The following JHY variants were observed in gnomAD, a reference collection of about 807,000 sequenced individuals.
JHY encodes jhy protein homolog.
Under a neutral mutation model 78.0 loss-of-function variants are expected in JHY, and 69 were observed. That is an observed-to-expected ratio of 0.88 (90% CI 0.73 to 1.08). The LOEUF is 1.08. Ranked by LOEUF, JHY falls within the 50% of genes least tolerant of loss-of-function variation. The pLI is 0.00. For synonymous variants in JHY, 368 were observed against 342.6 expected (o/e 1.07, Z -0.82); for missense variants, 944 against 927.8 (o/e 1.02, Z -0.23).
At chr11:122,908,122 G>A (rs1302903576) in intron 3 of JHY, among the ~76,000 whole-genome samples, 3 of 152,006 alleles carry the variant, frequency 2.0e-5, no homozygotes, top group Non-Finnish European at 2.9e-5. Context: ...TGGGGAGTCC[G>A]CCACACTCCC....
At chr11:122,924,499 T>C (rs1388402197) in intron 3 of JHY, among the ~76,000 whole-genome samples, 2 of 152,250 alleles carry the variant, frequency 1.3e-5, no homozygotes, top group Admixed American at 6.5e-5. Flanking sequence ...ATTCCATGTG[T>C]AGAAAACATT....
chr11:122,952,818 T>C (rs1864117138), intron 6 of JHY, among the ~76,000 whole-genome samples: 1 of 152,214 alleles, frequency 6.6e-6, no homozygotes, highest in Non-Finnish European at 1.5e-5. Context: ...TGAGCAGGGT[T>C]TTTTCCTTCC....
chr11:122,952,868 C>T lies in JHY; in HGVS notation c.1930-3628C>T, dbSNP rs140545243. Among the ~76,000 whole-genome samples, 301 of 152,296 alleles carry T rather than the reference C, an allele frequency of 2.0e-3. 2 individuals carry two copies. Among genetic ancestry groups the T allele is most frequent in the African/African-American group, 6.9e-3 (286 of 41,558 alleles). ...TTACTTTGGCAAATAGATAGTAATT[C>T]AGTGACTGCAAAACAACCATACAGA... On this transcript the variant is annotated intron_variant, in intron 6 of 8. Transcript: ENST00000227349.
In JHY at chr11:122,957,436, T is replaced by C. The variant is rs1170795808; in HGVS notation, c.2084T>C (p.Leu695Pro). 6.5e-7 allele frequency: 1 copy of C among 1,536,824 alleles called. No individual in the cohort carries two copies. The highest frequency in any genetic ancestry group is 8.7e-7 in the Non-Finnish European group (1 of 1,153,668). The change falls in exon 8 of 9, where the codon CTA becomes CCA. Residue 695 changes from leucine (L) to proline (P), a missense_variant. Physicochemically the swap from Leu to Pro is moderately conservative, Grantham distance 98. Coordinates refer to ENST00000227349, the MANE Select transcript of JHY (RefSeq NM_024806.4). ...TACAACATGAAGACACTATCCATTC[T>C]ATCAAAACCACAAACAGAAAAAACT... ...KEYNMKTLSI[L>P]SKPQTEKTQK...
At chr11:122,946,127 G>A (rs60440590) in intron 5 of JHY, among the ~76,000 whole-genome samples, 5,590 of 152,114 alleles carry the variant, frequency 0.037, 232 homozygotes, top group African/African-American at 0.1. Flanking sequence ...CCTTTTGTTC[G>A]TTTTGGTCTT....
chr11:122,883,723 A>G lies in JHY; in HGVS notation c.-90+751A>G, dbSNP rs933447551. 6.6e-6 allele frequency among the ~76,000 whole-genome samples: 1 copy of G among 152,150 alleles called. No homozygotes were observed. The highest frequency in any genetic ancestry group is 2.4e-5 in the African/African-American group (1 of 41,424). ...AAGATCAGGCCTCCACAGAAAACCCAGCTTTTGTGGCGTTTGGCTTTGCTC... is the reference window on the plus strand; with the variant it reads ...AAGATCAGGCCTCCACAGAAAACCCGGCTTTTGTGGCGTTTGGCTTTGCTC... On this transcript the variant is annotated intron_variant, in intron 1 of 8. Coordinates refer to ENST00000227349, the MANE Select transcript of JHY (RefSeq NM_024806.4). The surrounding 1 kb of genome is among the most constrained non-coding windows in gnomAD (Gnocchi z 4.4).
chr11:122,946,739 T>G lies in JHY; in HGVS notation c.1876T>G (p.Tyr626Asp). The G allele has an allele frequency of 6.2e-7, 1 of 1,613,882 alleles. No homozygotes were observed. The highest frequency in any genetic ancestry group is 2.2e-5 in the East Asian group (1 of 44,894). ...VKISRSNSEG[Y>D]LFQLEKGKKH... ...AATTAGCCGTAGCAATTCTGAAGGCTATCTGTTTCAACTGGAAAAGGGAAA... is the reference window on the plus strand; with the variant it reads ...AATTAGCCGTAGCAATTCTGAAGGCGATCTGTTTCAACTGGAAAAGGGAAA... The change falls in exon 6 of 9, where the codon TAT becomes GAT. Residue 626 changes from tyrosine to aspartate, a missense_variant. Coordinates refer to ENST00000227349, the MANE Select transcript of JHY (RefSeq NM_024806.4).
At chr11:122,918,321 C>A (rs1863276884) in intron 3 of JHY, among the ~76,000 whole-genome samples, 1 of 151,340 alleles carries the variant, frequency 6.6e-6, no homozygotes, top group African/African-American at 2.5e-5. Context: ...GGGCAACAGA[C>A]AAAATAGATA....
In JHY at chr11:122,961,573, T is replaced by C. The variant is rs1591405792; in HGVS notation, c.*2128T>C. On this transcript the variant is annotated 3_prime_UTR_variant, in exon 9 of 9. Coordinates refer to ENST00000227349, the MANE Select transcript of JHY (RefSeq NM_024806.4). ...TTTCGCCATGTTGACCAGGCTGGTCTTGAACTCCTGATCTCAGGTGATCCG... is the reference window on the plus strand; with the variant it reads ...TTTCGCCATGTTGACCAGGCTGGTCCTGAACTCCTGATCTCAGGTGATCCG... Among the ~76,000 whole-genome samples, 1 of 152,200 alleles carries C rather than the reference T, an allele frequency of 6.6e-6. No individual in the cohort carries two copies. Among genetic ancestry groups the C allele is most frequent in the East Asian group, 1.9e-4 (1 of 5,192 alleles).
intron 6 of JHY, among the ~76,000 whole-genome samples, chr11:122,953,155 C>T (rs891651623): frequency 5.3e-5 from 8 of 152,076 alleles, no homozygotes; most frequent in African/African-American, 1.9e-4. Flanking sequence ...AAAAACAATG[C>T]TTACCCTAGG....
rs761584147 is a variant in JHY, at chr11:122,934,813, A to G, written c.1372A>G (p.Thr458Ala). 4.3e-6 allele frequency: 7 copies of G among 1,614,158 alleles called. No homozygotes were observed. Among genetic ancestry groups the G allele is most frequent in the Non-Finnish European group, 5.9e-6 (7 of 1,180,032 alleles). Residue 458 changes from threonine (T) to alanine (A), a missense_variant, in exon 5 of 9, where the codon ACT becomes GCT. By Grantham distance (58) the Thr-to-Ala change is moderately conservative (BLOSUM62 0). Coordinates refer to ENST00000227349, the MANE Select transcript of JHY (RefSeq NM_024806.4). ...TGACAAGGTCTTATCTAAAAACTCT[A>G]CTGGATGTGACTCTGGGCTGAATGT... is the stretch of plus-strand genomic sequence containing the variant. ...AFDKVLSKNS[T>A]GCDSGLNVNK...
chr11:122,944,932 T>C (rs1416810494), intron 5 of JHY, among the ~76,000 whole-genome samples: 1 of 152,150 alleles, frequency 6.6e-6, no homozygotes, highest in Non-Finnish European at 1.5e-5. Context: ...GGTTTTGGTG[T>C]TCTGAAGTTT....
At chr11:122,928,855 A>G (rs1863571911) in intron 4 of JHY, among the ~76,000 whole-genome samples, 2 of 151,862 alleles carry the variant, frequency 1.3e-5, no homozygotes, top group South Asian at 4.2e-4. Flanking sequence ...TCACCGTGTT[A>G]GCCAGGATGG....
intron 4 of JHY, among the ~76,000 whole-genome samples, chr11:122,929,173 T>C (rs11604624): frequency 0.23 from 35,256 of 150,724 alleles, 4,631 homozygotes; most frequent in Middle Eastern, 0.3. Flanking sequence ...GTGATCTGCC[T>C]GCCTTGGCCT....
rs79071390 is a variant in JHY, at chr11:122,956,528, C to T, written c.1962C>T (p.Asp654=). The T allele has an allele frequency of 2.1e-4, 335 of 1,613,426 alleles. No homozygotes were observed. The African/African-American group carries it at 2.7e-3, about 13-fold the overall frequency. The change falls in exon 7 of 9, where the codon GAC becomes GAT. Residue 654 remains aspartate, a synonymous_variant. Coordinates refer to ENST00000227349, the MANE Select transcript of JHY (RefSeq NM_024806.4). Reference sequence around the variant, plus strand: ...AGCTGAAAGGTTATCAGAAAAGAGACGTGAAGCTTGGAGGCCTCGGACCTG... The same window carrying T: ...AGCTGAAAGGTTATCAGAAAAGAGATGTGAAGCTTGGAGGCCTCGGACCTG... ...NTKLKGYQKR[D]VKLGGLGPDF...
chr11:122,902,213 T>C (rs1862876046), intron 2 of JHY, among the ~76,000 whole-genome samples: 1 of 151,802 alleles, frequency 6.6e-6, no homozygotes. Context: ...TCCCGAAACT[T>C]TGGGAGGCTG....
intron 2 of JHY, among the ~76,000 whole-genome samples, chr11:122,895,656 C>G (rs760902174): frequency 5.3e-5 from 8 of 152,212 alleles, no homozygotes; most frequent in African/African-American, 1.2e-4. Context: ...AGAGCAGACT[C>G]TGCATCTGCT....
chr11:122,897,404 G>GT (rs1440573426), intron 2 of JHY, among the ~76,000 whole-genome samples: 1 of 151,940 alleles, frequency 6.6e-6, no homozygotes, highest in Non-Finnish European at 1.5e-5. Context: ...GTTTTGCTTT[G>GT]TTTTTTGTAG....
At position 122,961,028 on chromosome 11, in the gene JHY, C is replaced by T. The variant is rs1428178856; in HGVS notation, c.*1583C>T. ...CACAACAGGAAAAGGAGACAATTGC[C>T]AAGTGCATTTGGGACCTAAAGCTGT... On this transcript the variant is annotated 3_prime_UTR_variant, in exon 9 of 9. Coordinates refer to ENST00000227349, the MANE Select transcript of JHY (RefSeq NM_024806.4). The T allele has an allele frequency of 2.0e-6, 2 of 1,018,388 alleles. No individual in the cohort carries two copies. Among genetic ancestry groups the T allele is most frequent in the Non-Finnish European group, 3.1e-6 (2 of 651,206 alleles). 63.1% of individuals were successfully genotyped at this position (1,018,388 alleles called of 1,614,324 possible).
Sources: gnomAD v4.1 joint callset for allele counts (sites outside exome capture counted in the v4.1 genomes callset) on GRCh38, gnomAD v4.1.1 for gene constraint, Gnocchi (gnomAD v3.1) non-coding constraint, MANE v1.5 for transcripts, NCBI Gene and HGNC (gene_info 2026-07-23, HGNC 2026-07-21) for gene names.